The following CDH12 variants were observed in gnomAD, a reference collection of about 807,000 sequenced individuals.
The protein encoded by CDH12 is cadherin 12.
Under a neutral mutation model 74.1 loss-of-function variants are expected in CDH12, and 41 were observed. The ratio of observed to expected loss-of-function variants is 0.55; its 90% CI spans 0.43 to 0.72. The LOEUF is 0.72. CDH12 is among the 30% of genes least tolerant of loss of function. CDH12 has a pLI of 0.00. For synonymous variants in CDH12, 399 were observed against 355.0 expected (o/e 1.12, Z -1.39); for missense variants, 945 against 977.2 (o/e 0.97, Z 0.44).
At chr5:21,771,844 T>A (rs1434755910) in intron 11 of CDH12, among the ~76,000 whole-genome samples, 1 of 152,204 alleles carries the variant, frequency 6.6e-6, no homozygotes, top group Admixed American at 6.5e-5. Context: ...TGGAGTAAAT[T>A]ACTTTGATTC....
chr5:21,944,633 A>C (rs1166028826), intron 6 of CDH12, among the ~76,000 whole-genome samples: 1 of 152,218 alleles, frequency 6.6e-6, no homozygotes, highest in Admixed American at 6.5e-5. Flanking sequence ...AATTTATAAT[A>C]GGGTCTTTAA....
intron 1 of CDH12, among the ~76,000 whole-genome samples, chr5:22,843,115 A>C (rs1737150398): frequency 6.6e-6 from 1 of 152,094 alleles, no homozygotes; most frequent in South Asian, 2.1e-4. Flanking sequence ...CCATTAATGA[A>C]TATATCTTGG....
At chr5:22,372,669 G>A (rs556739319) in intron 3 of CDH12, among the ~76,000 whole-genome samples, 6 of 152,174 alleles carry the variant, frequency 3.9e-5, no homozygotes, top group South Asian at 4.1e-4. Context: ...TCGGGCTGTT[G>A]TGGCACCCAG....
intron 5 of CDH12, among the ~76,000 whole-genome samples, chr5:21,975,731 C>T (rs181879405): frequency 2.2e-4 from 34 of 151,700 alleles, no homozygotes; most frequent in African/African-American, 5.1e-4. Flanking sequence ...TGAGGTGTTA[C>T]GAAGATCAGA....
chr5:22,540,206 C>T (rs1738040059), intron 1 of CDH12, among the ~76,000 whole-genome samples: 1 of 151,778 alleles, frequency 6.6e-6, no homozygotes, highest in Non-Finnish European at 1.5e-5. Context: ...TATGTCTCAT[C>T]AGTATGTCAG....
chr5:22,420,058 T>A (rs751243314), intron 2 of CDH12, among the ~76,000 whole-genome samples: 1 of 152,150 alleles, frequency 6.6e-6, no homozygotes, highest in Non-Finnish European at 1.5e-5. Context: ...AAGTTACTTG[T>A]AGATTCTGGA....
chr5:21,881,506 C>G (rs532938218), intron 6 of CDH12, among the ~76,000 whole-genome samples: 4 of 152,172 alleles, frequency 2.6e-5, no homozygotes, highest in Non-Finnish European at 4.4e-5. Context: ...CCCTAGTCCA[C>G]CTCCAGGGAA....
At chr5:21,957,474 CTT>C (rs1561327596) in intron 6 of CDH12, among the ~76,000 whole-genome samples, 1 of 152,130 alleles carries the variant, frequency 6.6e-6, no homozygotes. Context: ...GCTTTTATCT[CTT>C]TGAGGAATTG....
chr5:22,474,497 A>G (rs1299325022), intron 2 of CDH12, among the ~76,000 whole-genome samples: 1 of 152,192 alleles, frequency 6.6e-6, no homozygotes, highest in Non-Finnish European at 1.5e-5. Context: ...GAAACTACTC[A>G]TGAGAAACTC....
At chr5:22,624,085 A>G (rs1738136451) in intron 1 of CDH12, among the ~76,000 whole-genome samples, 1 of 152,200 alleles carries the variant, frequency 6.6e-6, no homozygotes, top group African/African-American at 2.4e-5. Context: ...TATTTAATAA[A>G]TGGTACTGGG....
chr5:22,343,232 T>A (rs1291539437), intron 3 of CDH12, among the ~76,000 whole-genome samples: 2 of 150,596 alleles, frequency 1.3e-5, no homozygotes, highest in African/African-American at 2.5e-5. Context: ...TCCATCAGAA[T>A]TTTTTAAGTT....
chr5:22,597,454 T>C (rs950407334), intron 1 of CDH12, among the ~76,000 whole-genome samples: 3 of 152,256 alleles, frequency 2.0e-5, no homozygotes, highest in Admixed American at 6.5e-5. Flanking sequence ...ACTGCATACC[T>C]TATATCTAAA....
intron 2 of CDH12, among the ~76,000 whole-genome samples, chr5:22,461,444 A>G (rs1389430967): frequency 1.3e-5 from 2 of 151,798 alleles, no homozygotes; most frequent in Admixed American, 6.6e-5. Flanking sequence ...AAGTCAACCA[A>G]TTAAACACAT....
chr5:22,510,306 C>T (rs1331189311), intron 1 of CDH12, among the ~76,000 whole-genome samples: 1 of 151,880 alleles, frequency 6.6e-6, no homozygotes, highest in Non-Finnish European at 1.5e-5. Context: ...GAACAAAACC[C>T]AAGAAGTTAA....
intron 2 of CDH12, among the ~76,000 whole-genome samples, chr5:22,413,776 CT>C (rs1049469371): frequency 8.6e-5 from 13 of 151,998 alleles, no homozygotes; most frequent in East Asian, 1.9e-4. Flanking sequence ...ATTTTATTTA[CT>C]TTTTTTCCCG....
At chr5:22,520,209 G>C (rs1736990652) in intron 1 of CDH12, among the ~76,000 whole-genome samples, 1 of 152,124 alleles carries the variant, frequency 6.6e-6, no homozygotes, top group South Asian at 2.1e-4. Flanking sequence ...AATGTGAATA[G>C]TGATTGTTAT....
chr5:21,756,679 C>T (rs1176714004), intron 13 of CDH12, among the ~76,000 whole-genome samples: 1 of 151,904 alleles, frequency 6.6e-6, no homozygotes, highest in African/African-American at 2.4e-5. Flanking sequence ...CACAGTAACC[C>T]CTAGAAACGC....
intron 2 of CDH12, among the ~76,000 whole-genome samples, chr5:22,471,869 A>G (rs1203740397): frequency 1.3e-5 from 2 of 152,236 alleles, no homozygotes; most frequent in Non-Finnish European, 2.9e-5. Context: ...TGTTAAAGAA[A>G]TAGTTCTTCT....
rs145836753 is a variant in CDH12 at position 22,555,036 on chromosome 5, T to C, written c.-522-49672A>G. ...TTAAAAATATATCATATGGCTGATA[T>C]AGAACATAATCTTGCACAGAATATT... On this transcript the variant is annotated intron_variant, in intron 1 of 14. Coordinates refer to ENST00000382254, the MANE Select transcript of CDH12 (RefSeq NM_004061.5). Among the ~76,000 whole-genome samples the C allele has an allele frequency of 2.4e-3, 370 of 152,202 alleles. 2 individuals carry two copies. Among genetic ancestry groups the C allele is most frequent in the Non-Finnish European group, 4.2e-3 (287 of 67,936 alleles).
Sources: allele counts gnomAD v4.1 joint callset (sites outside exome capture counted in the v4.1 genomes callset), GRCh38; gene constraint gnomAD v4.1.1; transcripts MANE v1.5; gene names NCBI Gene and HGNC (gene_info 2026-07-23, HGNC 2026-07-21).